The following TTC29 variants were observed in gnomAD, a reference collection of about 807,000 sequenced individuals.
TTC29 encodes the protein tetratricopeptide repeat protein 29.
TTC29 carries 49 observed loss-of-function variants against 58.1 expected under a neutral mutation model. The observed-to-expected ratio is 0.84, with a 90% CI of 0.67 to 1.07. The LOEUF (loss-of-function observed/expected upper bound fraction) is 1.07, where lower values mean the gene tolerates loss of function less well. Among genes scored for constraint, TTC29 ranks in the 50% least tolerant of loss-of-function variants. The probability of loss-of-function intolerance (pLI) is 0.00; values close to 1 mark genes in which losing one functional copy is unlikely to be tolerated. For synonymous variants in TTC29, 209 were observed against 196.8 expected (o/e 1.06, Z -0.52); for missense variants, 582 against 555.6 (o/e 1.05, Z -0.48).
chr4:146,856,519 A>G (rs1509338), intron 8 of TTC29, among the ~76,000 whole-genome samples: 98,084 of 151,540 alleles, frequency 0.65, 33,542 homozygotes, highest in African/African-American at 0.86. Context: ...AATTATTACC[A>G]AACAGATTTG....
intron 11 of TTC29, among the ~76,000 whole-genome samples, chr4:146,738,928 C>T (rs1477307734): frequency 6.6e-6 from 1 of 152,158 alleles, no homozygotes; most frequent in Non-Finnish European, 1.5e-5. Context: ...GCAGCCCTTA[C>T]CCCGTGCCTT....
At chr4:146,712,475 G>A (rs751785334) in intron 11 of TTC29, among the ~76,000 whole-genome samples, 53 of 152,018 alleles carry the variant, frequency 3.5e-4, no homozygotes, top group Non-Finnish European at 6.5e-4. Flanking sequence ...TTTGTAAAAC[G>A]GCTGGTCAGG....
intron 4 of TTC29, among the ~76,000 whole-genome samples, chr4:146,925,645 T>A (rs1040261708): frequency 6.6e-6 from 1 of 152,140 alleles, no homozygotes; most frequent in Non-Finnish European, 1.5e-5. Context: ...CCAAACTAAC[T>A]TTTGAGAAAA....
In TTC29 at chr4:146,839,932, G is replaced by A. The variant is rs566857069; in HGVS notation, c.886-6035C>T. ...ATACATAGGTGTGAATGACTCAAAC[G>A]TCATTAACTCTGGCAGAGGAAGTTG... On this transcript the variant is annotated intron_variant, in intron 8 of 12. Coordinates refer to ENST00000325106, the MANE Select transcript of TTC29 (RefSeq NM_031956.4). Among the ~76,000 whole-genome samples the A allele has an allele frequency of 9.9e-5, 15 of 152,028 alleles. No individual in the cohort carries two copies. The East Asian group carries it at 1.4e-3, about 14-fold the overall frequency.
At chr4:146,770,706 G>C (rs1747665371) in intron 11 of TTC29, among the ~76,000 whole-genome samples, 1 of 151,964 alleles carries the variant, frequency 6.6e-6, no homozygotes, top group African/African-American at 2.4e-5. Context: ...TCAGATTCCA[G>C]CTATGTTACT....
At chr4:146,824,086 C>A (rs191931486) in intron 9 of TTC29, among the ~76,000 whole-genome samples, 175 of 152,204 alleles carry the variant, frequency 1.1e-3, no homozygotes, top group Non-Finnish European at 2.0e-3. Context: ...CTTTGAATAC[C>A]CTTTATTTCT....
At chr4:146,859,512 A>G (rs1029772398) in intron 8 of TTC29, among the ~76,000 whole-genome samples, 1 of 152,266 alleles carries the variant, frequency 6.6e-6, no homozygotes, top group Admixed American at 6.5e-5. Flanking sequence ...GAATTCTGGC[A>G]TAACCCATTT....
At chr4:146,824,512 A>C (rs1727627938) in intron 9 of TTC29, among the ~76,000 whole-genome samples, 1 of 152,044 alleles carries the variant, frequency 6.6e-6, no homozygotes, top group South Asian at 2.1e-4. Context: ...CCAGTATTTT[A>C]TTGAGAATTT....
chr4:146,933,868 A>G (rs949343252), intron 4 of TTC29: 36 of 151,892 alleles, frequency 2.4e-4, no homozygotes, highest in Admixed American at 2.0e-3. Flanking sequence ...TGGCCATTCC[A>G]GTGACAACTA....
chr4:146,775,345 T>C (rs1310823521), intron 11 of TTC29, among the ~76,000 whole-genome samples: 1 of 152,174 alleles, frequency 6.6e-6, no homozygotes, highest in Non-Finnish European at 1.5e-5. Context: ...ATAGTGCCAA[T>C]AGTCTATGTA....
intron 10 of TTC29, among the ~76,000 whole-genome samples, chr4:146,815,609 T>C (rs772873348): frequency 1.2e-4 from 19 of 152,146 alleles, no homozygotes; most frequent in Non-Finnish European, 2.5e-4. Context: ...GAGGAGCTCA[T>C]AGATTAAAAA....
At chr4:146,935,332 T>C (rs928237430) in intron 4 of TTC29, among the ~76,000 whole-genome samples, 1 of 152,140 alleles carries the variant, frequency 6.6e-6, no homozygotes, top group Non-Finnish European at 1.5e-5. Context: ...CCAGTGTACA[T>C]CAATTGTATT....
intron 8 of TTC29, among the ~76,000 whole-genome samples, chr4:146,862,569 C>G (rs1243087391): frequency 6.6e-6 from 1 of 152,198 alleles, no homozygotes; most frequent in Non-Finnish European, 1.5e-5. Flanking sequence ...ACATTGCCTT[C>G]AAATCTGAAG....
chr4:146,764,539 T>C (rs62328018), intron 11 of TTC29, among the ~76,000 whole-genome samples: 1 of 152,054 alleles, frequency 6.6e-6, no homozygotes, highest in African/African-American at 2.4e-5. Context: ...AAAATAATTA[T>C]TTTAAAAAGA....
intron 6 of TTC29, among the ~76,000 whole-genome samples, chr4:146,888,970 G>C (rs987999855): frequency 6.6e-6 from 1 of 152,050 alleles, no homozygotes; most frequent in Admixed American, 6.6e-5. Flanking sequence ...AGAGAGTCTA[G>C]GTTTACTACC....
chr4:146,831,492 T>C (rs1212630132), intron 9 of TTC29: 3 of 175,042 alleles, frequency 1.7e-5, no homozygotes, highest in African/African-American at 7.1e-5. Context: ...TAAGGCACAT[T>C]GGCAGGCTGC....
intron 8 of TTC29, among the ~76,000 whole-genome samples, chr4:146,851,213 T>C (rs575076884): frequency 3.9e-5 from 6 of 152,220 alleles, no homozygotes; most frequent in Non-Finnish European, 8.8e-5. Context: ...TATGTTAACT[T>C]ATTTAATCCT....
intron 10 of TTC29, among the ~76,000 whole-genome samples, chr4:146,810,584 C>A (rs1171445689): frequency 7.0e-6 from 1 of 143,068 alleles, no homozygotes; most frequent in Non-Finnish European, 1.5e-5. Flanking sequence ...TTTTTACATA[C>A]CTTCTTTTTT....
chr4:146,841,703 T>C (rs1728861735), intron 8 of TTC29, among the ~76,000 whole-genome samples: 1 of 152,040 alleles, frequency 6.6e-6, no homozygotes, highest in Admixed American at 6.6e-5. Context: ...GACCGGGCCT[T>C]GGAGGAGCCT....
Sources: gnomAD v4.1 joint callset for allele counts (sites outside exome capture counted in the v4.1 genomes callset) on GRCh38, gnomAD v4.1.1 for gene constraint, MANE v1.5 for transcripts, NCBI Gene and HGNC (gene_info 2026-07-23, HGNC 2026-07-21) for gene names.